The following GOLT1B variants were observed in gnomAD, a reference collection of about 807,000 sequenced individuals.
GOLT1B encodes the protein vesicle transport protein GOT1B.
Under a neutral mutation model 15.4 loss-of-function variants are expected in GOLT1B, and 3 were observed. That is an observed-to-expected ratio of 0.19 (90% CI 0.09 to 0.50). The LOEUF (loss-of-function observed/expected upper bound fraction) is 0.50. Among genes scored for constraint, GOLT1B ranks in the 20% least tolerant of loss-of-function variants. GOLT1B has a pLI of 0.97. For synonymous variants in GOLT1B, 65 were observed against 56.2 expected, an observed-to-expected ratio of 1.16 and a Z score of -0.70; for missense variants, 145 against 160.4, an observed-to-expected ratio of 0.90 and a Z score of 0.52.
chr12:21,513,070 CAAAAAAA>C (rs58392364), intron 4 of GOLT1B, among the ~76,000 whole-genome samples: 6 of 110,440 alleles, frequency 5.4e-5, no homozygotes, highest in Non-Finnish European at 3.7e-5. Context: ...GACCCTGTCT[CAAAAAAA>C]AAAAAAAAAA....
intron 2 of GOLT1B, 66 bp from the exon 3 acceptor site, chr12:21,508,317 T>G (rs1943693797): frequency 2.1e-6 from 2 of 965,162 alleles, no homozygotes; most frequent in Non-Finnish European, 3.1e-6. Context: ...AGCTTTGACT[T>G]TACGTTTAAA....
intron 1 of GOLT1B, chr12:21,504,436 A>T (rs1943663951): frequency 1.6e-5 from 7 of 429,858 alleles, no homozygotes; most frequent in South Asian, 9.9e-5. Flanking sequence ...CATTGCCAGT[A>T]CCAGTTGTGG....
rs114033109 is a variant in GOLT1B at position 21,511,930 on chromosome 12, C to T, written c.297-365C>T. 3.0e-3 allele frequency among the ~76,000 whole-genome samples: 452 copies of T among 152,254 alleles called. 2 individuals carry two copies. The highest frequency in any genetic ancestry group is 0.01 in the African/African-American group (431 of 41,532). On this transcript the variant is annotated intron_variant, in intron 3 of 4. Coordinates refer to ENST00000229314, the MANE Select transcript of GOLT1B (RefSeq NM_016072.5). ...CTGGCAGGTAGTCTCTTAGTGTTAA[C>T]TAAATGTTTTGACCCTTAGTACTTA...
chr12:21,516,034 G>GT lies in GOLT1B; in HGVS notation c.*330dup, dbSNP rs71444128. 4.7e-6 allele frequency: 1 copy of GT among 212,868 alleles called. No individual in the cohort carries two copies. The highest frequency in any genetic ancestry group is 9.2e-6 in the Non-Finnish European group (1 of 109,196). 13.2% of individuals were successfully genotyped at this position (212,868 alleles called of 1,614,324 possible). Reference sequence around the variant, plus strand: ...CCATCCTTAGAGAACTGTGGTGCCTGTTTCTTTTCTTTTTATTTTGAAGGC... The same window carrying GT: ...CCATCCTTAGAGAACTGTGGTGCCTGTTTTCTTTTCTTTTTATTTTGAAGGC... On this transcript the variant is annotated 3_prime_UTR_variant, in exon 5 of 5. Transcript: ENST00000229314.
At chr12:21,503,779 A>AT (rs1294500072) in intron 1 of GOLT1B, among the ~76,000 whole-genome samples, 4 of 152,108 alleles carry the variant, frequency 2.6e-5, no homozygotes, top group African/African-American at 4.8e-5. Flanking sequence ...TTATTCTGGG[A>AT]TTTTGGTTTT....
intron 1 of GOLT1B, among the ~76,000 whole-genome samples, chr12:21,506,662 T>C (rs575918827): frequency 6.6e-6 from 1 of 152,180 alleles, no homozygotes; most frequent in Non-Finnish European, 1.5e-5. Context: ...ATCTCCCATA[T>C]AAGGCTTAGA....
In GOLT1B at chr12:21,512,902, C is replaced by A. The variant is rs943915087; in HGVS notation, c.378+526C>A. Among the ~76,000 whole-genome samples, 3 of 151,762 alleles carry A rather than the reference C, an allele frequency of 2.0e-5. No homozygotes were observed. The East Asian group carries it at 5.8e-4, about 30-fold the overall frequency. On this transcript the variant is annotated intron_variant, in intron 4 of 4. Coordinates refer to ENST00000229314, the MANE Select transcript of GOLT1B (RefSeq NM_016072.5). The stretch of plus-strand genomic sequence containing the variant: ...CAACATGGTGAAACCCCATCTCTAC[C>A]CCCGCAAATACAAAAATTAGCTGGG...
At position 21,517,411 on chromosome 12, in the gene GOLT1B, T is replaced by C. The variant is rs1489230570; in HGVS notation, c.*1704T>C. 1.3e-5 allele frequency: 2 copies of C among 152,468 alleles called. No individual in the cohort carries two copies. The highest frequency in any genetic ancestry group is 1.3e-4 in the Admixed American group (2 of 15,274). 9.4% of individuals were successfully genotyped at this position (152,468 alleles called of 1,614,324 possible). On this transcript the variant is annotated 3_prime_UTR_variant, in exon 5 of 5. Coordinates refer to ENST00000229314, the MANE Select transcript of GOLT1B (RefSeq NM_016072.5). ...TCTAATGTTCTTCAAAAAAGTAATA[T>C]CCTCACTTGGAGAGTGTCAAATACA...
chr12:21,514,378 A>G (rs1943741482), intron 4 of GOLT1B, among the ~76,000 whole-genome samples: 1 of 152,244 alleles, frequency 6.6e-6, no homozygotes, highest in South Asian at 2.1e-4. Flanking sequence ...AGAATGGCTT[A>G]CCTATGGAAG....
chr12:21,511,816 G>C (rs1203534418), intron 3 of GOLT1B, among the ~76,000 whole-genome samples: 2 of 152,146 alleles, frequency 1.3e-5, no homozygotes, highest in East Asian at 3.8e-4. Flanking sequence ...CTGATCTACT[G>C]TCAATTTTAA....
In GOLT1B at chr12:21,517,182, A is replaced by G. The variant is rs1228449201; in HGVS notation, c.*1475A>G. Reference sequence around the variant, plus strand: ...TACAGCTTATTTTATTTTTAGTTAAATCTCTTAATACACAGAGAACTCCCA... The same window carrying G: ...TACAGCTTATTTTATTTTTAGTTAAGTCTCTTAATACACAGAGAACTCCCA... On this transcript the variant is annotated 3_prime_UTR_variant, in exon 5 of 5. Coordinates refer to ENST00000229314, the MANE Select transcript of GOLT1B (RefSeq NM_016072.5). 2 of 152,434 alleles carry G rather than the reference A, an allele frequency of 1.3e-5. No individual in the cohort carries two copies. The highest frequency in any genetic ancestry group is 2.9e-5 in the Non-Finnish European group (2 of 67,884). 9.4% of individuals were successfully genotyped at this position (152,434 alleles called of 1,614,324 possible).
At position 21,515,708 on chromosome 12, in the gene GOLT1B, C is replaced by T; in HGVS notation, c.*1C>T. On this transcript the variant is annotated 3_prime_UTR_variant, in exon 5 of 5. Transcript: ENST00000229314. ...TGGAGAAAGCAACAATATGGTATAA[C>T]AACAAGTGAATTTGAAGACTCATTT... 7.8e-7 allele frequency: 1 copy of T among 1,276,510 alleles called. No individual in the cohort carries two copies. 79.1% of individuals were successfully genotyped at this position (1,276,510 alleles called of 1,614,324 possible).
rs79323558 is a variant in GOLT1B at position 21,511,969 on chromosome 12, A to G, written c.297-326A>G. On this transcript the variant is annotated intron_variant, in intron 3 of 4. Transcript: ENST00000229314. ...CCTTAGTACTTACTTAGTAAATGAT[A>G]GCTATTATTATTTTCATGGTTCTAC... is the stretch of plus-strand genomic sequence containing the variant. Among the ~76,000 whole-genome samples the G allele has an allele frequency of 4.2e-3, 640 of 152,276 alleles. 1 individual carries two copies. Among genetic ancestry groups the G allele is most frequent in the Admixed American group, 7.7e-3 (118 of 15,300 alleles).
Position 21,512,319 on chromosome 12 carries a change from CT to C in GOLT1B, c.324del (p.Phe108LeufsTer12). ...GGGGCTTCTTTCCTGTCGTTGTTGG[CT>C]TTATTAGAAGAGTGCCAGTCCTTGG... ...FRGFFPVVVG[F>X]IRRVPVLGSL... is the part of the protein sequence containing the mutation. On this transcript the variant is annotated frameshift_variant, in exon 4 of 5. Coordinates refer to ENST00000229314, the MANE Select transcript of GOLT1B (RefSeq NM_016072.5). LOFTEE classifies it high-confidence loss of function. 6.4e-7 allele frequency: 1 copy of C among 1,572,026 alleles called. No individual in the cohort carries two copies. Among genetic ancestry groups the C allele is most frequent in the Non-Finnish European group, 8.8e-7 (1 of 1,142,706 alleles).
At chr12:21,514,483 A>C (rs1943742081) in intron 4 of GOLT1B, among the ~76,000 whole-genome samples, 1 of 152,192 alleles carries the variant, frequency 6.6e-6, no homozygotes, top group Non-Finnish European at 1.5e-5. Flanking sequence ...ATTTCAAGTT[A>C]CCTTTGGAGA....
chr12:21,515,104 C>CTTA (rs2136811312), intron 4 of GOLT1B: 1 of 478,390 alleles, frequency 2.1e-6, no homozygotes, highest in East Asian at 3.3e-5. Context: ...TAAATTTATG[C>CTTA]TTACATCATT....
chr12:21,511,483 G>A (rs572209211), intron 3 of GOLT1B, among the ~76,000 whole-genome samples: 5 of 152,216 alleles, frequency 3.3e-5, no homozygotes, highest in Middle Eastern at 3.4e-3. Context: ...CAGCTTCACA[G>A]CCCCCCTCCC....
At chr12:21,510,984 A>G (rs995090894) in intron 3 of GOLT1B, among the ~76,000 whole-genome samples, 14 of 152,202 alleles carry the variant, frequency 9.2e-5, no homozygotes, top group African/African-American at 2.9e-4. Context: ...TATCGCAATC[A>G]GTTAGTTGTC....
chr12:21,513,317 C>G (rs1277770129), intron 4 of GOLT1B, among the ~76,000 whole-genome samples: 1 of 152,036 alleles, frequency 6.6e-6, no homozygotes, highest in African/African-American at 2.4e-5. Flanking sequence ...ACAAATGTTT[C>G]GTACTAAACT....
Sources: gnomAD v4.1 joint callset for allele counts (sites outside exome capture counted in the v4.1 genomes callset) on GRCh38, gnomAD v4.1.1 for gene constraint, MANE v1.5 for transcripts, NCBI Gene and HGNC (gene_info 2026-07-23, HGNC 2026-07-21) for gene names.